The following WDR64 variants were observed in gnomAD, a reference collection of about 807,000 sequenced individuals.
WDR64 encodes WD repeat-containing protein 64.
A neutral mutation model predicts 139.3 loss-of-function variants in WDR64; 112 were observed. The ratio of observed to expected loss-of-function variants is 0.80; its 90% CI spans 0.69 to 0.94. The LOEUF (loss-of-function observed/expected upper bound fraction) is 0.94. WDR64 is among the 40% of genes least tolerant of loss of function. The pLI, the probability that WDR64 is intolerant of heterozygous loss-of-function variation, is 0.00. For missense variants in WDR64, 1,206 were observed against 1,293.1 expected, an observed-to-expected ratio of 0.93 and a Z score of 1.03; for synonymous variants, 444 against 437.7, an observed-to-expected ratio of 1.01 and a Z score of -0.18.
chr1:241,659,208 A>T (rs1477408963), intron 1 of WDR64, among the ~76,000 whole-genome samples: 1 of 152,106 alleles, frequency 6.6e-6, no homozygotes, highest in Non-Finnish European at 1.5e-5. Flanking sequence ...TGGCCTCCAG[A>T]TCCACGCATG....
intron 8 of WDR64, among the ~76,000 whole-genome samples, chr1:241,698,631 AC>A (rs1003588554): frequency 1.9e-4 from 29 of 149,988 alleles, no homozygotes; most frequent in African/African-American, 6.9e-4. Flanking sequence ...CTTCCTTGAA[AC>A]CCCCATGCTG....
At chr1:241,792,672 G>T (rs1387942782) in intron 25 of WDR64, among the ~76,000 whole-genome samples, 1 of 152,252 alleles carries the variant, frequency 6.6e-6, no homozygotes, top group Non-Finnish European at 1.5e-5. Context: ...GGCTGAGCAA[G>T]ATGGCAGAGG....
rs868704089 is a variant in WDR64 at position 241,656,878 on chromosome 1, G to A, written c.146-3652G>A. Among the ~76,000 whole-genome samples the A allele has an allele frequency of 1.5e-5, 2 of 136,374 alleles. No homozygotes were observed. The highest frequency in any genetic ancestry group is 3.2e-5 in the Non-Finnish European group (2 of 62,926). 89.5% of individuals were successfully genotyped at this position (136,374 alleles called of 152,430 possible). A position where few individuals can be genotyped will look rare whatever the true frequency, so the allele number is the denominator to read the frequency against. ...CAAGTCTTTGCCAAATGTTGTGTGT[G>A]TGTGTGTGTGTGTGTGTGTGTGTGT... On this transcript the variant is annotated intron_variant, in intron 1 of 27. Coordinates refer to ENST00000437684, the MANE Select transcript of WDR64 (RefSeq NM_001367482.1). This position sits in a 1 kb window ranked among gnomAD's most constrained non-coding sequence, Gnocchi z 4.3.
At chr1:241,771,937 CATACATACATAT>C (rs1343281740) in intron 19 of WDR64, among the ~76,000 whole-genome samples, 263 of 56,454 alleles carry the variant, frequency 4.7e-3, no homozygotes, top group African/African-American at 0.011. Flanking sequence ...CATATACATA[CATACATACATAT>C]ATATATATAT....
At chr1:241,659,853 AG>A (rs1285388595) in intron 1 of WDR64, among the ~76,000 whole-genome samples, 1 of 152,106 alleles carries the variant, frequency 6.6e-6, no homozygotes, top group Non-Finnish European at 1.5e-5. Flanking sequence ...TCCCTTCTGT[AG>A]GTTGTCTGTT....
At chr1:241,771,815 T>A in intron 19 of WDR64, 118 bp downstream of exon 19, 1 of 437,876 alleles carries the variant, frequency 2.3e-6, no homozygotes, top group Non-Finnish European at 3.5e-6. Context: ...ATTCATTATA[T>A]ATATTCATAT....
intron 1 of WDR64, among the ~76,000 whole-genome samples, chr1:241,655,155 T>C (rs543283968): frequency 7.2e-5 from 11 of 152,218 alleles, no homozygotes; most frequent in East Asian, 1.9e-4. Flanking sequence ...GAGGCCAAGG[T>C]GGGCGGATCA....
At chr1:241,784,624 A>G (rs931869686) in intron 23 of WDR64, among the ~76,000 whole-genome samples, 1 of 152,188 alleles carries the variant, frequency 6.6e-6, no homozygotes, top group Admixed American at 6.5e-5. Flanking sequence ...GTAAGGTCCT[A>G]TTTGGAGGCA....
chr1:241,662,049 G>A (rs529904278), intron 2 of WDR64, among the ~76,000 whole-genome samples: 38 of 152,224 alleles, frequency 2.5e-4, no homozygotes, highest in Non-Finnish European at 4.9e-4. Context: ...AGTAAAAAAA[G>A]ATGTCTAATA....
rs187833519 is a variant in WDR64 at position 241,773,422 on chromosome 1, G to A, written c.2430+491G>A. ...TGAAGATTTACTAGAAAAATCTATT[G>A]AGCCTGCTTATAATTCTTTTATTTG... On this transcript the variant is annotated intron_variant, in intron 20 of 27. Coordinates refer to ENST00000437684, the MANE Select transcript of WDR64 (RefSeq NM_001367482.1). 2.6e-5 allele frequency among the ~76,000 whole-genome samples: 4 copies of A among 152,286 alleles called. No individual in the cohort carries two copies. In the East Asian group the frequency reaches 7.7e-4, roughly 29 times the overall value.
intron 23 of WDR64, 132 bp from the exon 24 acceptor site, chr1:241,787,717 G>A: frequency 1.3e-5 from 8 of 622,162 alleles, no homozygotes; most frequent in South Asian, 3.1e-5. Flanking sequence ...GTATTTCATA[G>A]AAAGGGTCTT....
chr1:241,783,943 T>G (rs1250307244), intron 23 of WDR64, among the ~76,000 whole-genome samples: 2 of 152,208 alleles, frequency 1.3e-5, no homozygotes, highest in Non-Finnish European at 2.9e-5. Context: ...CATATTGAAA[T>G]GTCTTAAAAT....
At chr1:241,653,863 A>C (rs1157759752) in intron 1 of WDR64, among the ~76,000 whole-genome samples, 4 of 152,074 alleles carry the variant, frequency 2.6e-5, no homozygotes, top group Non-Finnish European at 4.4e-5. Context: ...CCAACTTCTA[A>C]GTGTTAAAGC....
chr1:241,736,583 G>A (rs1007541553), intron 10 of WDR64, among the ~76,000 whole-genome samples: 1 of 152,250 alleles, frequency 6.6e-6, no homozygotes, highest in African/African-American at 2.4e-5. Flanking sequence ...CATATAGGGA[G>A]AGGGGCAGCA....
chr1:241,748,949 AAAAG>A (rs972700343), intron 13 of WDR64, among the ~76,000 whole-genome samples: 22 of 150,180 alleles, frequency 1.5e-4, no homozygotes, highest in South Asian at 4.1e-4. Flanking sequence ...AAAAAAAAAA[AAAAG>A]AAAGAAAGAA....
At chr1:241,678,450 G>A (rs1049555022) in intron 5 of WDR64, among the ~76,000 whole-genome samples, 2 of 152,178 alleles carry the variant, frequency 1.3e-5, no homozygotes, top group South Asian at 2.1e-4. Flanking sequence ...TTGGAAACTG[G>A]TTACTCCTTG....
chr1:241,791,884 C>T (rs538666949), intron 25 of WDR64, among the ~76,000 whole-genome samples: 74 of 152,280 alleles, frequency 4.9e-4, no homozygotes, highest in African/African-American at 1.6e-3. Context: ...CTTTCACAGA[C>T]AGACATGTTT....
chr1:241,713,842 T>C (rs1377710051), intron 9 of WDR64, among the ~76,000 whole-genome samples: 1 of 152,180 alleles, frequency 6.6e-6, no homozygotes, highest in African/African-American at 2.4e-5. Flanking sequence ...TAATTATTCA[T>C]AAGACTTGGA....
chr1:241,713,453 GGAAA>G (rs1308987256), intron 9 of WDR64, among the ~76,000 whole-genome samples: 3 of 135,688 alleles, frequency 2.2e-5, no homozygotes, highest in Non-Finnish European at 4.7e-5. Context: ...AAGAAAGGAA[GGAAA>G]GGAAGGAAGG....
Sources: allele counts gnomAD v4.1 joint callset (sites outside exome capture counted in the v4.1 genomes callset), GRCh38; gene constraint gnomAD v4.1.1; non-coding constraint Gnocchi (gnomAD v3.1); transcripts MANE v1.5; gene names NCBI Gene and HGNC (gene_info 2026-07-23, HGNC 2026-07-21).